Variants in FAM222B observed in about 807,000 individuals in gnomAD.
FAM222B encodes the protein family with sequence similarity 222 member B, also known as protein FAM222B.
Under a neutral mutation model 38.0 loss-of-function variants are expected in FAM222B, and 12 were observed. The ratio of observed to expected loss-of-function variants is 0.32; its 90% CI spans 0.20 to 0.51. FAM222B has a LOEUF of 0.51. Among genes scored for constraint, FAM222B ranks in the 20% least tolerant of loss-of-function variants. FAM222B has a pLI of 0.97. For synonymous variants in FAM222B, 329 were observed against 317.2 expected, an observed-to-expected ratio of 1.04 and a Z score of -0.40; for missense variants, 716 against 754.2, an observed-to-expected ratio of 0.95 and a Z score of 0.59.
rs1290322424 is a variant in FAM222B, at chr17:28,759,706, C to A, written c.253G>T (p.Ala85Ser). The change falls in exon 3 of 3, where the codon GCC becomes TCC. Residue 85 changes from alanine to serine, a missense_variant. Transcript: ENST00000581407. The surrounding 1 kb of genome is among the most constrained non-coding windows in gnomAD (Gnocchi z 4.8). ...RRTVNGLDTS[A>S]QRYSPYPTQA... Reference sequence around the variant, plus strand: ...GTCGGGTAGGGGCTGTAGCGCTGGGCTGATGTGTCGAGGCCGTTCACAGTA... The same window carrying A: ...GTCGGGTAGGGGCTGTAGCGCTGGGATGATGTGTCGAGGCCGTTCACAGTA... The A allele has an allele frequency of 1.2e-6, 2 of 1,613,758 alleles. No individual in the cohort carries two copies. Among genetic ancestry groups the A allele is most frequent in the Non-Finnish European group, 1.7e-6 (2 of 1,179,792 alleles).
chr17:28,777,724 G>A (rs2035956923), intron 1 of FAM222B, among the ~76,000 whole-genome samples: 1 of 152,104 alleles, frequency 6.6e-6, no homozygotes, highest in East Asian at 1.9e-4. Context: ...GTATGTGTGT[G>A]TGTACAGGTA....
At chr17:28,769,260 A>G (rs911714844) in intron 1 of FAM222B, among the ~76,000 whole-genome samples, 2 of 142,674 alleles carry the variant, frequency 1.4e-5, no homozygotes, top group African/African-American at 5.2e-5. Flanking sequence ...GTTCACTGCA[A>G]CCTCCGCTCC....
intron 2 of FAM222B, among the ~76,000 whole-genome samples, chr17:28,765,570 G>A (rs2099482825): frequency 6.6e-6 from 1 of 152,126 alleles, no homozygotes. Flanking sequence ...CTGAATGGAA[G>A]GTCTATTCCA....
intron 1 of FAM222B, among the ~76,000 whole-genome samples, chr17:28,772,639 A>G (rs2035692389): frequency 6.6e-6 from 1 of 151,044 alleles, no homozygotes; most frequent in East Asian, 2.0e-4. Context: ...GCTCATGTCT[A>G]TAATCCCAGC....
chr17:28,852,986 G>A (rs1445917904), intron 1 of FAM222B, among the ~76,000 whole-genome samples: 1 of 152,036 alleles, frequency 6.6e-6, no homozygotes, highest in Non-Finnish European at 1.5e-5. Context: ...CTGAGGTCGG[G>A]AGTTCAAGAC....
intron 1 of FAM222B, among the ~76,000 whole-genome samples, chr17:28,781,312 C>A (rs1248778943): frequency 1.3e-5 from 2 of 151,646 alleles, no homozygotes; most frequent in African/African-American, 2.4e-5. Context: ...AAACAAAAAA[C>A]CAAAAACAAA....
chr17:28,841,462 C>A (rs1296674379), intron 1 of FAM222B, among the ~76,000 whole-genome samples: 1 of 152,144 alleles, frequency 6.6e-6, no homozygotes, highest in Non-Finnish European at 1.5e-5. Context: ...GCAACCTCTG[C>A]CTCCCGGGTT....
At chr17:28,790,915 T>TTTTTTTCA (rs752443903) in intron 1 of FAM222B, among the ~76,000 whole-genome samples, 1 of 121,046 alleles carries the variant, frequency 8.3e-6, no homozygotes, top group Non-Finnish European at 1.7e-5. Context: ...TTTTTTTTTT[T>TTTTTTTCA]AGAGACAGAA....
intron 2 of FAM222B, among the ~76,000 whole-genome samples, chr17:28,762,451 C>A (rs2035122729): frequency 6.7e-6 from 1 of 149,592 alleles, no homozygotes; most frequent in Non-Finnish European, 1.5e-5. Context: ...CATGGTGAAA[C>A]CCTGTCTCTA....
At chr17:28,809,787 A>T (rs1346694256) in intron 1 of FAM222B, among the ~76,000 whole-genome samples, 1 of 152,160 alleles carries the variant, frequency 6.6e-6, no homozygotes, top group Non-Finnish European at 1.5e-5. Flanking sequence ...CAACCTGGGC[A>T]ACAGAGCCAG....
intron 2 of FAM222B, chr17:28,761,917 T>G (rs1438718047): frequency 2.6e-5 from 4 of 152,150 alleles, no homozygotes; most frequent in Admixed American, 2.6e-4. Context: ...AGCACAGTGC[T>G]TTAAACCTAG....
chr17:28,758,533 G>A lies in FAM222B; in HGVS notation c.1426C>T (p.His476Tyr), dbSNP rs2034841151. 6.2e-7 allele frequency: 1 copy of A among 1,610,860 alleles called. No homozygotes were observed. ...GGTGCACCTGTGGGCTGCCCACCGT[G>A]GAACGGCATGGCAAGGTCCTGAGAC... Reference protein sequence around the residue: ...SGSQDLAMPFHGGQPTGAPLD... With the variant: ...SGSQDLAMPFYGGQPTGAPLD... Residue 476 changes from histidine (H) to tyrosine (Y), a missense_variant, in exon 3 of 3, where the codon CAC (histidine) becomes TAC (tyrosine). Transcript: ENST00000581407.
At chr17:28,774,929 G>A (rs552598682) in intron 1 of FAM222B, among the ~76,000 whole-genome samples, 8 of 151,228 alleles carry the variant, frequency 5.3e-5, no homozygotes, top group African/African-American at 7.3e-5. Flanking sequence ...GTCACAGGGC[G>A]AGACTCCGTC....
At chr17:28,782,346 A>G (rs2036201337) in intron 1 of FAM222B, among the ~76,000 whole-genome samples, 1 of 152,086 alleles carries the variant, frequency 6.6e-6, no homozygotes, top group African/African-American at 2.4e-5. Flanking sequence ...ATAAAATAAA[A>G]TCTAATTTAG....
At chr17:28,832,727 C>G (rs893935933) in intron 1 of FAM222B, among the ~76,000 whole-genome samples, 1 of 152,132 alleles carries the variant, frequency 6.6e-6, no homozygotes, top group Non-Finnish European at 1.5e-5. Context: ...CATTTTAGCT[C>G]CTAGCAGAGA....
At chr17:28,790,025 T>C (rs1312643776) in intron 1 of FAM222B, among the ~76,000 whole-genome samples, 1 of 152,188 alleles carries the variant, frequency 6.6e-6, no homozygotes, top group Non-Finnish European at 1.5e-5. Flanking sequence ...TGTCAACCTA[T>C]TGAAATAAAA....
At chr17:28,779,777 A>C (rs1368462313) in intron 1 of FAM222B, among the ~76,000 whole-genome samples, 1 of 151,398 alleles carries the variant, frequency 6.6e-6, no homozygotes, top group East Asian at 1.9e-4. Context: ...TAAATAAATA[A>C]ATAAATAAAT....
chr17:28,801,132 G>C (rs993263356), intron 1 of FAM222B, among the ~76,000 whole-genome samples: 13 of 148,708 alleles, frequency 8.7e-5, no homozygotes, highest in African/African-American at 3.2e-4. Context: ...ACTCCAGCTT[G>C]GACGACAGAG....
intron 1 of FAM222B, among the ~76,000 whole-genome samples, chr17:28,825,678 T>A (rs917876660): frequency 6.6e-6 from 1 of 152,198 alleles, no homozygotes; most frequent in Non-Finnish European, 1.5e-5. Context: ...AAATGCCATA[T>A]CCTTAGAGAG....
Sources: gnomAD v4.1 joint callset for allele counts (sites outside exome capture counted in the v4.1 genomes callset) on GRCh38, gnomAD v4.1.1 for gene constraint, Gnocchi (gnomAD v3.1) non-coding constraint, MANE v1.5 for transcripts, NCBI Gene and HGNC (gene_info 2026-07-23, HGNC 2026-07-21) for gene names.